Variants in ZNF678 observed in about 807,000 individuals in gnomAD.
ZNF678 encodes the protein zinc finger protein 678.
ZNF678 carries 5 observed loss-of-function variants against 3.0 expected under a neutral mutation model. That is an observed-to-expected ratio of 1.69 (90% CI 0.88 to 3.56). The LOEUF is 3.56. ZNF678 is among the 30% of genes most tolerant of loss of function. The probability of loss-of-function intolerance (pLI) is 0.00; values close to 1 mark genes in which losing one functional copy is unlikely to be tolerated. For missense variants in ZNF678, 593 were observed against 605.0 expected, an observed-to-expected ratio of 0.98 and a Z score of 0.21; for synonymous variants, 218 against 199.6, an observed-to-expected ratio of 1.09 and a Z score of -0.78.
At position 227,661,510 on chromosome 1, in the gene ZNF678, A is replaced by G. The variant is rs1659405854; in HGVS notation, c.*5682A>G. On this transcript the variant is annotated 3_prime_UTR_variant, in exon 4 of 4. Transcript: ENST00000343776. Reference sequence around the variant, plus strand: ...AATTCAGAAAAAAATAATAAATATGAACAGCCACAGCATGCCCAGAAGCCT... The same window carrying G: ...AATTCAGAAAAAAATAATAAATATGGACAGCCACAGCATGCCCAGAAGCCT... 6.6e-6 allele frequency: 1 copy of G among 152,176 alleles called. No individual in the cohort carries two copies. Among genetic ancestry groups the G allele is most frequent in the African/African-American group, 2.4e-5 (1 of 41,450 alleles). 9.4% of individuals were successfully genotyped at this position (152,176 alleles called of 1,614,324 possible). A position where few individuals can be genotyped will look rare whatever the true frequency, so the allele number is the denominator to read the frequency against.
In ZNF678 at chr1:227,632,848, C is replaced by T. The variant is rs550650968; in HGVS notation, c.-163-13696C>T. Among the ~76,000 whole-genome samples the T allele has an allele frequency of 1.4e-3, 220 of 152,266 alleles. 1 individual carries two copies. Among genetic ancestry groups the T allele is most frequent in the Non-Finnish European group, 1.2e-3 (81 of 68,024 alleles). On this transcript the variant is annotated intron_variant, in intron 1 of 3. Transcript: ENST00000343776. ...TAGAGTTCCCAAGATGGTGGCGGGC[C>T]GCTCCCAAATGGCAGCAAGCCTTTT...
At chr1:227,663,606 A>G (rs1311465047), downstream of ZNF678, among the ~76,000 whole-genome samples, 1 of 152,254 alleles carries the variant, frequency 6.6e-6, no homozygotes, top group Non-Finnish European at 1.5e-5. Context: ...ACCTGGGTGC[A>G]GTTATTTAAT....
chr1:227,573,142 A>G (rs908147433), intron 1 of ZNF678, among the ~76,000 whole-genome samples: 1 of 152,248 alleles, frequency 6.6e-6, no homozygotes, highest in African/African-American at 2.4e-5. Context: ...AAACAGTCCA[A>G]CTCACACACA....
At position 227,654,692 on chromosome 1, in the gene ZNF678, A is replaced by G. The variant is rs947406435; in HGVS notation, c.442A>G (p.Thr148Ala). Reference sequence around the variant, plus strand: ...CCTAACAAAACATAAAAGAATTCATACTGGAGAGAAACCCTACAAATGTGA... The same window carrying G: ...CCTAACAAAACATAAAAGAATTCATGCTGGAGAGAAACCCTACAAATGTGA... ...SNLTKHKRIH[T>A]GEKPYKCDEC... Residue 148 changes from threonine to alanine, a missense_variant, in exon 4 of 4, where the codon ACT becomes GCT. Thr to Ala is a moderately conservative substitution (Grantham distance 58). Transcript: ENST00000343776. The G allele has an allele frequency of 1.2e-6, 2 of 1,613,194 alleles. No homozygotes were observed. Among genetic ancestry groups the G allele is most frequent in the Non-Finnish European group, 1.7e-6 (2 of 1,179,440 alleles).
intron 1 of ZNF678, among the ~76,000 whole-genome samples, chr1:227,625,763 T>C (rs1658396600): frequency 6.6e-6 from 1 of 152,042 alleles, no homozygotes; most frequent in South Asian, 2.1e-4. Flanking sequence ...CCTGGTCAGT[T>C]GGGAGATTGC....
At chr1:227,587,067 A>G (rs1657280366) in intron 1 of ZNF678, among the ~76,000 whole-genome samples, 1 of 152,192 alleles carries the variant, frequency 6.6e-6, no homozygotes, top group South Asian at 2.1e-4. Flanking sequence ...AGGCCTCAAT[A>G]TTGCAGGGTG....
chr1:227,603,706 G>A (rs577203490), intron 1 of ZNF678, among the ~76,000 whole-genome samples: 1 of 152,304 alleles, frequency 6.6e-6, no homozygotes, highest in Non-Finnish European at 1.5e-5. Context: ...GCTCTTGTGG[G>A]TGCTCCAGGT....
In ZNF678 at chr1:227,651,077, G is replaced by A; in HGVS notation, c.85+1G>A. 1.2e-6 allele frequency: 2 copies of A among 1,612,980 alleles called. No homozygotes were observed. The highest frequency in any genetic ancestry group is 1.7e-6 in the Non-Finnish European group (2 of 1,179,416). ...AGTTTTTATAAACTGGTTTATACAG[G>A]TAAAGATTTTATCCTATTGGGTCTC... On this transcript the variant is annotated splice_donor_variant, in intron 3 of 3. Coordinates refer to ENST00000343776, the MANE Select transcript of ZNF678 (RefSeq NM_001367909.1). LOFTEE classifies it high-confidence loss of function.
chr1:227,663,746 T>C (rs1050663774), downstream of ZNF678, among the ~76,000 whole-genome samples: 1 of 152,202 alleles, frequency 6.6e-6, no homozygotes, highest in Non-Finnish European at 1.5e-5. Flanking sequence ...TTAGGACTCA[T>C]GAAAGCCAGA....
intron 1 of ZNF678, among the ~76,000 whole-genome samples, chr1:227,620,598 G>T (rs1403775103): frequency 6.6e-6 from 1 of 152,192 alleles, no homozygotes; most frequent in Non-Finnish European, 1.5e-5. Flanking sequence ...TCAGATCCAA[G>T]TAAATGTAAA....
downstream of ZNF678, among the ~76,000 whole-genome samples, chr1:227,665,365 G>A (rs887982190): frequency 6.6e-6 from 1 of 152,170 alleles, no homozygotes; most frequent in African/African-American, 2.4e-5. Context: ...CATATCAGGT[G>A]GTGTGCAGCA....
chr1:227,675,638 A>ATT (rs528969774), intron 5 of ZNF678, among the ~76,000 whole-genome samples: 1 of 147,374 alleles, frequency 6.8e-6, no homozygotes, highest in East Asian at 2.0e-4. Context: ...CTTAAAATAC[A>ATT]TTTTTTTTTT....
Position 227,588,506 on chromosome 1 carries a change from C to CTTTTTT in ZNF678, c.-164+24788_-164+24793dup, listed in dbSNP as rs747086047. On this transcript the variant is annotated intron_variant, in intron 1 of 3. Transcript: ENST00000343776. ...TCACCAGCATCTGTTGTTTTTTTTACTTTTTTTTTTTGGAAACACAGTCTC... is the reference window on the plus strand; with the variant it reads ...TCACCAGCATCTGTTGTTTTTTTTACTTTTTTTTTTTTTTTTTGGAAACACAGTCTC... Among the ~76,000 whole-genome samples the CTTTTTT allele has an allele frequency of 1.2e-4, 16 of 135,896 alleles. 5 individuals are homozygous for CTTTTTT. The highest frequency in any genetic ancestry group is 1.4e-4 in the Non-Finnish European group (9 of 64,738). The allele number at this position is 135,896 out of a possible 152,430, so 89.2% of individuals were successfully genotyped here.
intron 1 of ZNF678, among the ~76,000 whole-genome samples, chr1:227,624,939 G>A (rs1288524540): frequency 2.6e-5 from 4 of 152,174 alleles, no homozygotes; most frequent in Admixed American, 6.5e-5. Flanking sequence ...AACGCGGACC[G>A]GAAGAGTGTG....
At chr1:227,583,312 A>C (rs1657176763) in intron 1 of ZNF678, among the ~76,000 whole-genome samples, 1 of 151,448 alleles carries the variant, frequency 6.6e-6, no homozygotes, top group South Asian at 2.1e-4. Context: ...GCAACAATTC[A>C]ATAAGTCCAT....
At chr1:227,670,296 T>A (rs1479384542) in intron 5 of ZNF678, among the ~76,000 whole-genome samples, 1 of 152,226 alleles carries the variant, frequency 6.6e-6, no homozygotes, top group Non-Finnish European at 1.5e-5. Context: ...ATTTTAAAAA[T>A]CACATTGTAC....
chr1:227,577,689 A>G (rs770884855), intron 1 of ZNF678, among the ~76,000 whole-genome samples: 4 of 152,074 alleles, frequency 2.6e-5, no homozygotes, highest in South Asian at 2.1e-4. Flanking sequence ...TTCTTTATCT[A>G]TCTTGACATT....
intron 1 of ZNF678, among the ~76,000 whole-genome samples, chr1:227,610,227 A>G (rs1431290017): frequency 6.6e-6 from 1 of 152,212 alleles, no homozygotes; most frequent in Non-Finnish European, 1.5e-5. Context: ...GCTCATGGTG[A>G]ATATTTCCAG....
intron 1 of ZNF678, among the ~76,000 whole-genome samples, chr1:227,607,231 G>A (rs558506778): frequency 6.6e-6 from 1 of 152,136 alleles, no homozygotes; most frequent in South Asian, 2.1e-4. Flanking sequence ...AGTTTCTAAT[G>A]TTCTGTGTCT....
Sources: gnomAD v4.1 joint callset for allele counts (sites outside exome capture counted in the v4.1 genomes callset) on GRCh38, gnomAD v4.1.1 for gene constraint, MANE v1.5 for transcripts, NCBI Gene and HGNC (gene_info 2026-07-23, HGNC 2026-07-21) for gene names.